UACA: variants seen among roughly 807,000 people sequenced by gnomAD.
The protein encoded by UACA is nuclear membrane binding protein.
In UACA, 112 loss-of-function variants were observed where a neutral mutation model predicts 160.5. That is an observed-to-expected ratio of 0.70 (90% CI 0.60 to 0.82). The LOEUF is 0.82. Among genes scored for constraint, UACA ranks in the 40% least tolerant of loss-of-function variants. The pLI is 0.00. For missense variants in UACA, 1,574 were observed against 1,614.6 expected, an observed-to-expected ratio of 0.97 and a Z score of 0.43; for synonymous variants, 557 against 568.4, an observed-to-expected ratio of 0.98 and a Z score of 0.29.
chr15:70,684,524 A>T (rs1300583603), intron 7 of UACA, 78 bp from the exon 8 acceptor site: 13 of 1,437,606 alleles, frequency 9.0e-6, no homozygotes, highest in Admixed American at 2.1e-5. Context: ...CCTATTGTTG[A>T]ACACTGTCTT....
At chr15:70,681,290 T>G (rs1158113611) in intron 9 of UACA, among the ~76,000 whole-genome samples, 2 of 152,116 alleles carry the variant, frequency 1.3e-5, no homozygotes, top group Non-Finnish European at 2.9e-5. Context: ...CAGATATCTG[T>G]GAACAAACAA....
intron 13 of UACA, among the ~76,000 whole-genome samples, chr15:70,675,728 G>A (rs1897285442): frequency 6.6e-6 from 1 of 152,286 alleles, no homozygotes; most frequent in African/African-American, 2.4e-5. Context: ...TTACAAAGAA[G>A]AATATTATTT....
intron 15 of UACA, among the ~76,000 whole-genome samples, chr15:70,670,703 TTG>T (rs1330444312): frequency 2.5e-4 from 38 of 152,140 alleles, no homozygotes; most frequent in African/African-American, 9.2e-4. Flanking sequence ...AAATTATATT[TTG>T]GATTATTCAT....
intron 1 of UACA, among the ~76,000 whole-genome samples, chr15:70,751,076 T>C (rs1307954228): frequency 6.6e-6 from 1 of 151,746 alleles, no homozygotes; most frequent in East Asian, 1.9e-4. Flanking sequence ...AGCAGCAGCT[T>C]ATCCTACAAA....
intron 1 of UACA, chr15:70,703,019 G>A: frequency 2.0e-6 from 2 of 1,013,044 alleles, no homozygotes; most frequent in African/African-American, 1.7e-5. Flanking sequence ...AAACACTAAA[G>A]GAGGCAAATA....
intron 8 of UACA, among the ~76,000 whole-genome samples, chr15:70,683,987 C>A (rs918820): frequency 6.6e-6 from 1 of 150,856 alleles, no homozygotes. Context: ...AAAAAAAAAA[C>A]TTAGTAAAAC....
intron 1 of UACA, among the ~76,000 whole-genome samples, chr15:70,746,779 T>C (rs953955615): frequency 6.6e-6 from 1 of 152,150 alleles, no homozygotes; most frequent in African/African-American, 2.4e-5. Context: ...GTGGCACATA[T>C]TCACCATGGA....
At chr15:70,662,218 CA>C (rs1370323520) in intron 17 of UACA, among the ~76,000 whole-genome samples, 3 of 152,130 alleles carry the variant, frequency 2.0e-5, no homozygotes, top group Admixed American at 2.0e-4. Flanking sequence ...ACACCAATAA[CA>C]GACAAACAGA....
chr15:70,695,207 A>AAC, intron 2 of UACA, 102 bp from the exon 3 acceptor site: 2 of 691,728 alleles, frequency 2.9e-6, no homozygotes, highest in African/African-American at 1.8e-5. Flanking sequence ...CACGCACACA[A>AAC]ACACACACAC....
intron 1 of UACA, among the ~76,000 whole-genome samples, chr15:70,742,189 A>G (rs1159173591): frequency 1.3e-5 from 2 of 152,228 alleles, no homozygotes; most frequent in Non-Finnish European, 2.9e-5. Flanking sequence ...ATTACTTAAC[A>G]TGGTTATAAG....
At position 70,690,531 on chromosome 15, in the gene UACA, TTAGTA is replaced by T. The variant is rs770535541; in HGVS notation, c.367-25_367-21del. ...ATTGTACTGTTAAAGTAAAGAAAACTTAGTAAAGTAGGAGAGTTTTATTTTAAAAT... is the reference window on the plus strand; with the variant it reads ...ATTGTACTGTTAAAGTAAAGAAAACTAAGTAGGAGAGTTTTATTTTAAAAT... On this transcript the variant is annotated intron_variant, in intron 4 of 18. Coordinates refer to ENST00000322954, the MANE Select transcript of UACA (RefSeq NM_018003.4). 1 of 1,600,174 alleles carries T rather than the reference TTAGTA, an allele frequency of 6.2e-7. No homozygotes were observed. The highest frequency in any genetic ancestry group is 1.3e-5 in the African/African-American group (1 of 74,622).
chr15:70,658,714 C>T (rs904990926), intron 18 of UACA, among the ~76,000 whole-genome samples: 5 of 152,104 alleles, frequency 3.3e-5, no homozygotes, highest in Non-Finnish European at 7.4e-5. Flanking sequence ...CCAACACACA[C>T]ATTTTTTTTT....
chr15:70,665,600 AAAT>A (rs1472604934), intron 16 of UACA, among the ~76,000 whole-genome samples: 20 of 152,198 alleles, frequency 1.3e-4, no homozygotes, highest in African/African-American at 3.9e-4. Context: ...TTTTATTGAA[AAAT>A]AATAATAGAA....
In UACA at chr15:70,729,524, C is replaced by A. The variant is rs145094458; in HGVS notation, c.79-29864G>T. Among the ~76,000 whole-genome samples the A allele has an allele frequency of 4.8e-5, 5 of 104,178 alleles. 2 individuals are homozygous for A. Among genetic ancestry groups the A allele is most frequent in the African/African-American group, 2.7e-4 (4 of 15,056 alleles). The allele number at this position is 104,178 out of a possible 152,430, so 68.3% of individuals were successfully genotyped here. A position where few individuals can be genotyped will look rare whatever the true frequency, so the allele number is the denominator to read the frequency against. ...ATAAAGATGGGAACAACCCTTCCGC[C>A]GCCTGTGAAGGGACCCACCGAGCTC... is the stretch of plus-strand genomic sequence containing the variant. On this transcript the variant is annotated intron_variant, in intron 1 of 18. Coordinates refer to ENST00000322954, the MANE Select transcript of UACA (RefSeq NM_018003.4).
intron 15 of UACA, 99 bp downstream of exon 15, chr15:70,670,940 T>C: frequency 3.2e-6 from 2 of 629,104 alleles, no homozygotes; most frequent in Middle Eastern, 3.8e-4. Context: ...ACTCTATGTA[T>C]ATATACTTAA....
upstream of UACA, among the ~76,000 whole-genome samples, chr15:70,765,106 A>G (rs1404352855): frequency 1.3e-5 from 2 of 152,194 alleles, no homozygotes; most frequent in Non-Finnish European, 2.9e-5. Flanking sequence ...TCTCTAGCCA[A>G]CACCCCAAGC....
At chr15:70,688,394 AG>A (rs1897805917) in intron 5 of UACA, among the ~76,000 whole-genome samples, 1 of 152,188 alleles carries the variant, frequency 6.6e-6, no homozygotes, top group Non-Finnish European at 1.5e-5. Context: ...TTCATAAAGT[AG>A]GATTATGTTT....
At chr15:70,681,361 G>A (rs569807286) in intron 9 of UACA, among the ~76,000 whole-genome samples, 15 of 151,744 alleles carry the variant, frequency 9.9e-5, no homozygotes, top group African/African-American at 3.6e-4. Flanking sequence ...GATTACATGT[G>A]CCTTAGTATT....
At chr15:70,744,088 C>G (rs369406169) in intron 1 of UACA, among the ~76,000 whole-genome samples, 8 of 151,438 alleles carry the variant, frequency 5.3e-5, no homozygotes, top group African/African-American at 1.9e-4. Context: ...ACTAAAAATA[C>G]AAAAAAAGTA....
Sources: allele counts gnomAD v4.1 joint callset (sites outside exome capture counted in the v4.1 genomes callset), GRCh38; gene constraint gnomAD v4.1.1; transcripts MANE v1.5; gene names NCBI Gene and HGNC (gene_info 2026-07-23, HGNC 2026-07-21).